GNAI1: variants seen among roughly 807,000 people sequenced by gnomAD.
The protein encoded by GNAI1 is G protein subunit alpha i1.
A neutral mutation model predicts 38.9 loss-of-function variants in GNAI1; 11 were observed. That is an observed-to-expected ratio of 0.28 (90% CI 0.18 to 0.47). The LOEUF (loss-of-function observed/expected upper bound fraction) is 0.47, where lower values mean the gene tolerates loss of function less well. Among genes scored for constraint, GNAI1 ranks in the 20% least tolerant of loss-of-function variants. GNAI1 has a pLI of 0.99. For synonymous variants in GNAI1, 166 were observed against 145.1 expected (o/e 1.14, Z -1.04); for missense variants, 317 against 436.9 (o/e 0.73, Z 2.45).
In GNAI1 at chr7:80,219,864, A is replaced by AT; in HGVS notation, c.*2373dup. On this transcript the variant is annotated 3_prime_UTR_variant, in exon 8 of 8. Transcript: ENST00000649796. ...GCATGCATTAGGTGGAACTCTTCTG[A>AT]TTCCTAATCTCCATTTCAATTTACT... 6.6e-6 allele frequency among the ~76,000 whole-genome samples: 1 copy of AT among 152,294 alleles called. No homozygotes were observed. The highest frequency in any genetic ancestry group is 2.1e-4 in the South Asian group (1 of 4,828).
intron 1 of GNAI1, among the ~76,000 whole-genome samples, chr7:80,177,332 C>T (rs1788202992): frequency 1.3e-5 from 2 of 152,086 alleles, no homozygotes; most frequent in South Asian, 4.1e-4. Context: ...GCCCGGCCAG[C>T]GTATCTTTTT....
chr7:80,212,778 T>TAA lies in GNAI1; in HGVS notation c.784_785insAA (p.Thr262LysfsTer8). On this transcript the variant is annotated frameshift_variant, in exon 7 of 8. Coordinates refer to ENST00000649796, the MANE Select transcript of GNAI1 (RefSeq NM_002069.6). LOFTEE classifies it high-confidence loss of function. ...TATGTAACAACAAGTGGTTTACAGA[T>TAA]ACATCCATTATACTTTTTCTAAACA... 6.4e-7 allele frequency: 1 copy of TAA among 1,574,266 alleles called. No individual in the cohort carries two copies. The highest frequency in any genetic ancestry group is 8.6e-7 in the Non-Finnish European group (1 of 1,159,830).
chr7:80,141,206 G>C (rs1300688901), intron 1 of GNAI1, among the ~76,000 whole-genome samples: 1 of 152,104 alleles, frequency 6.6e-6, no homozygotes, highest in East Asian at 1.9e-4. Flanking sequence ...CCGCCCTCTG[G>C]CTCCCAAAGG....
chr7:80,217,246 T>TGTATGAAACTGAA, intron 7 of GNAI1, 57 bp from the exon 8 acceptor site: 4 of 1,152,024 alleles, frequency 3.5e-6, no homozygotes, highest in Non-Finnish European at 4.9e-6. Flanking sequence ...GAATTCAGTA[T>TGTATGAAACTGAA]TTTAAGCAGT....
Position 80,142,199 on chromosome 7 carries a change from T to G in GNAI1, c.118+6921T>G, listed in dbSNP as rs536634543. 4.6e-5 allele frequency among the ~76,000 whole-genome samples: 7 copies of G among 152,302 alleles called. No homozygotes were observed. The South Asian group carries it at 1.2e-3, about 27-fold the overall frequency. ...GCCCATTTCTGCATTTTTAGGTGTT[T>G]GTTATAGCAGCACCCCATTTCCCAT... is the stretch of plus-strand genomic sequence containing the variant. On this transcript the variant is annotated intron_variant, in intron 1 of 7. Coordinates refer to ENST00000649796, the MANE Select transcript of GNAI1 (RefSeq NM_002069.6).
intron 7 of GNAI1, 79 bp from the exon 8 acceptor site, chr7:80,217,224 A>ATGTATGAAACTGACTTCAGTTTCATC: frequency 1.2e-5 from 11 of 903,454 alleles, no homozygotes; most frequent in East Asian, 5.1e-5. Context: ...TCAGTTTCAT[A>ATGTATGAAACTGACTTCAGTTTCATC]TGTATGAAAC....
rs1044059697 is a variant in GNAI1, at chr7:80,224,184, T to C, written c.*6691T>C. 1.3e-5 allele frequency among the ~76,000 whole-genome samples: 2 copies of C among 152,232 alleles called. No individual in the cohort carries two copies. The highest frequency in any genetic ancestry group is 4.8e-5 in the African/African-American group (2 of 41,456). On this transcript the variant is annotated 3_prime_UTR_variant, in exon 8 of 8. Coordinates refer to ENST00000649796, the MANE Select transcript of GNAI1 (RefSeq NM_002069.6). ...TAAATATATAGAGAAAATGCATACA[T>C]ACATAATTTATTGAGTGCCTACTGT... is the stretch of plus-strand genomic sequence containing the variant.
In GNAI1 at chr7:80,222,650, G is replaced by C. The variant is rs968965917; in HGVS notation, c.*5157G>C. ...AATCCGCCCACCTCGGCCGCCCAAA[G>C]TGCTGGGATTACAGGTGTGAGCCAC... On this transcript the variant is annotated 3_prime_UTR_variant, in exon 8 of 8. Transcript: ENST00000649796. Among the ~76,000 whole-genome samples the C allele has an allele frequency of 8.6e-5, 13 of 152,008 alleles. No individual in the cohort carries two copies. Among genetic ancestry groups the C allele is most frequent in the African/African-American group, 3.1e-4 (13 of 41,390 alleles).
chr7:80,148,381 T>TA (rs1409659929), intron 1 of GNAI1, among the ~76,000 whole-genome samples: 3 of 152,072 alleles, frequency 2.0e-5, no homozygotes, highest in Non-Finnish European at 4.4e-5. Context: ...TTCTGAAAAA[T>TA]ATGAAACTCT....
Position 80,224,939 on chromosome 7 carries a change from G to C in GNAI1, c.*7446G>C, listed in dbSNP as rs996014919. On this transcript the variant is annotated 3_prime_UTR_variant, in exon 8 of 8. Coordinates refer to ENST00000649796, the MANE Select transcript of GNAI1 (RefSeq NM_002069.6). ...ACTCATGTGTCTTTGCATTATATTT[G>C]TATTTGGGAAATGAAATGCTTTATT... Among the ~76,000 whole-genome samples the C allele has an allele frequency of 1.3e-5, 2 of 152,064 alleles. No individual in the cohort carries two copies. Among genetic ancestry groups the C allele is most frequent in the Non-Finnish European group, 2.9e-5 (2 of 67,996 alleles).
At chr7:80,195,110 C>G (rs543084728) in intron 3 of GNAI1, among the ~76,000 whole-genome samples, 1 of 151,914 alleles carries the variant, frequency 6.6e-6, no homozygotes, top group African/African-American at 2.4e-5. Context: ...TTGACAAGTT[C>G]TCTTGTCAAT....
At chr7:80,175,115 G>T (rs1584027677) in intron 1 of GNAI1, among the ~76,000 whole-genome samples, 1 of 152,200 alleles carries the variant, frequency 6.6e-6, no homozygotes, top group East Asian at 1.9e-4. Flanking sequence ...TTAATTGATA[G>T]ACAAACTATG....
chr7:80,139,720 A>T (rs1787489433), intron 1 of GNAI1, among the ~76,000 whole-genome samples: 1 of 152,228 alleles, frequency 6.6e-6, no homozygotes, highest in South Asian at 2.1e-4. Flanking sequence ...AAAAAGGAAT[A>T]GTAAATTATG....
intron 1 of GNAI1, among the ~76,000 whole-genome samples, chr7:80,166,480 CAT>C (rs1788012197): frequency 6.6e-6 from 1 of 152,194 alleles, no homozygotes; most frequent in East Asian, 1.9e-4. Flanking sequence ...ATAAAGTAGA[CAT>C]AAACAGTTTT....
At chr7:80,196,521 T>TC (rs1788577532) in intron 3 of GNAI1, among the ~76,000 whole-genome samples, 1 of 152,002 alleles carries the variant, frequency 6.6e-6, no homozygotes, top group African/African-American at 2.4e-5. Flanking sequence ...CAAGATAAAA[T>TC]CGTTGTCATC....
At chr7:80,160,995 A>G (rs1207743413) in intron 1 of GNAI1, among the ~76,000 whole-genome samples, 1 of 152,172 alleles carries the variant, frequency 6.6e-6, no homozygotes, top group African/African-American at 2.4e-5. Context: ...AGAAGTGCCA[A>G]ATGGAAGTAA....
At chr7:80,165,641 G>A (rs1787999990) in intron 1 of GNAI1, among the ~76,000 whole-genome samples, 1 of 152,076 alleles carries the variant, frequency 6.6e-6, no homozygotes, top group Non-Finnish European at 1.5e-5. Flanking sequence ...TGAACATACT[G>A]TGCATTTATT....
rs1789065862 is a variant in GNAI1 at position 80,221,119 on chromosome 7, G to T, written c.*3626G>T. On this transcript the variant is annotated 3_prime_UTR_variant, in exon 8 of 8. Transcript: ENST00000649796. ...TGCTTAGTGTGTTATGTTGGAAGTA[G>T]AAAGTGATGGTGAAAATCCTAGGCT... Among the ~76,000 whole-genome samples the T allele has an allele frequency of 6.6e-6, 1 of 152,160 alleles. No homozygotes were observed. Among genetic ancestry groups the T allele is most frequent in the African/African-American group, 2.4e-5 (1 of 41,438 alleles).
chr7:80,163,460 C>G (rs1388927679), intron 1 of GNAI1, among the ~76,000 whole-genome samples: 1 of 152,176 alleles, frequency 6.6e-6, no homozygotes, highest in Non-Finnish European at 1.5e-5. Context: ...GCGAACTCTT[C>G]ACTGTTGGCA....
Sources: allele counts gnomAD v4.1 joint callset (sites outside exome capture counted in the v4.1 genomes callset), GRCh38; gene constraint gnomAD v4.1.1; transcripts MANE v1.5; gene names NCBI Gene and HGNC (gene_info 2026-07-23, HGNC 2026-07-21).